Variants in CDK12 observed in about 807,000 individuals in gnomAD.
CDK12 encodes cyclin dependent kinase 12.
Under a neutral mutation model 133.8 loss-of-function variants are expected in CDK12, and 17 were observed. That is an observed-to-expected ratio of 0.13 (90% CI 0.09 to 0.19). The LOEUF (loss-of-function observed/expected upper bound fraction) is 0.19. Among genes scored for constraint, CDK12 ranks in the 10% least tolerant of loss-of-function variants. CDK12 has a pLI of 1.00. For synonymous variants in CDK12, 694 were observed against 683.6 expected (o/e 1.02, Z -0.24); for missense variants, 1,508 against 1,818.7 (o/e 0.83, Z 3.11).
intron 2 of CDK12, among the ~76,000 whole-genome samples, chr17:39,490,311 G>A (rs2051483421): frequency 6.6e-6 from 1 of 151,628 alleles, no homozygotes; most frequent in African/African-American, 2.4e-5. Flanking sequence ...AGGTTGTAGT[G>A]AGCCAAGATC....
intron 12 of CDK12, 106 bp downstream of exon 12, chr17:39,524,991 C>T: frequency 4.6e-6 from 4 of 877,370 alleles, no homozygotes; most frequent in South Asian, 1.7e-5. Context: ...AGTTTTTGGT[C>T]CAGTGAACCA....
At chr17:39,501,641 G>A (rs2052724741) in intron 6 of CDK12, among the ~76,000 whole-genome samples, 1 of 152,160 alleles carries the variant, frequency 6.6e-6, no homozygotes, top group South Asian at 2.1e-4. Flanking sequence ...CCAGCTTTCT[G>A]AGTAAACATT....
At chr17:39,513,351 C>A (rs2053606769) in intron 8 of CDK12, among the ~76,000 whole-genome samples, 2 of 152,136 alleles carry the variant, frequency 1.3e-5, no homozygotes, top group African/African-American at 4.8e-5. Context: ...TTAAGAGGAG[C>A]ACTACAGGGG....
chr17:39,496,912 C>CTT (rs71147349), intron 5 of CDK12, among the ~76,000 whole-genome samples: 43 of 87,810 alleles, frequency 4.9e-4, no homozygotes, highest in Middle Eastern at 8.2e-3. Flanking sequence ...TTCAGTATAT[C>CTT]TTTTTTTTTT....
At chr17:39,478,044 G>A (rs1294085200) in intron 2 of CDK12, among the ~76,000 whole-genome samples, 5 of 147,076 alleles carry the variant, frequency 3.4e-5, no homozygotes, top group African/African-American at 1.3e-4. Flanking sequence ...TTTTTTTTTA[G>A]CCATCTCCTC....
At chr17:39,522,050 C>A (rs2054206748) in intron 11 of CDK12, among the ~76,000 whole-genome samples, 1 of 152,066 alleles carries the variant, frequency 6.6e-6, no homozygotes, top group South Asian at 2.1e-4. Context: ...TCATGCATGT[C>A]TCTGGTGACC....
chr17:39,470,756 G>T (rs1400605105), intron 1 of CDK12, 123 bp from the exon 2 acceptor site: 1 of 819,050 alleles, frequency 1.2e-6, no homozygotes, highest in Non-Finnish European at 1.8e-6. Flanking sequence ...CCTCGTTTTT[G>T]ATGGCACTTA....
chr17:39,526,071 C>A lies in CDK12; in HGVS notation c.3515C>A (p.Thr1172Asn). The A allele has an allele frequency of 6.2e-7, 1 of 1,614,200 alleles. No individual in the cohort carries two copies. Among genetic ancestry groups the A allele is most frequent in the Non-Finnish European group, 8.5e-7 (1 of 1,180,014 alleles). The part of the protein sequence containing the change: ...EATSQQQDSE[T>N]MAPEESLKEA... ...ACTTCCCAGCAGCAGGACTCAGAGA[C>A]CATGGCCCCAGAGGAGTCTTTGAAG... The change falls in exon 13 of 14, where the codon ACC becomes AAC. Residue 1172 changes from threonine to asparagine, a missense_variant. By Grantham distance (65) the Thr-to-Asn change is moderately conservative. This residue lies in a region of CDK12 where 399 missense variants were observed against 469.6 expected (regional missense o/e 0.85). Coordinates refer to ENST00000447079, the MANE Select transcript of CDK12 (RefSeq NM_016507.4).
At chr17:39,496,852 G>A (rs1048273626) in intron 5 of CDK12, among the ~76,000 whole-genome samples, 2 of 144,342 alleles carry the variant, frequency 1.4e-5, no homozygotes, top group Non-Finnish European at 3.0e-5. Flanking sequence ...TTCCTTTTAA[G>A]AAAATTAGTA....
intron 2 of CDK12, among the ~76,000 whole-genome samples, chr17:39,475,084 C>T (rs1289636488): frequency 6.6e-6 from 1 of 151,612 alleles, no homozygotes; most frequent in Non-Finnish European, 1.5e-5. Context: ...ATTCTCCCAC[C>T]TGGGCCTTCC....
At chr17:39,545,585 G>A (rs1230168605), upstream of CDK12, among the ~76,000 whole-genome samples, 2 of 143,890 alleles carry the variant, frequency 1.4e-5, no homozygotes, top group African/African-American at 5.2e-5. Flanking sequence ...TGCAGCCTCT[G>A]CCTCCCAGGT....
Position 39,542,075 on chromosome 17 carries a change from G to C in CDK12, c.451-2174G>C, listed in dbSNP as rs554723744. Among the ~76,000 whole-genome samples the C allele has an allele frequency of 9.2e-5, 14 of 152,298 alleles. No individual in the cohort carries two copies. In the South Asian group the frequency reaches 2.9e-3, roughly 32 times the overall value. ...GAGCTTCTTCAGGAAAGGAAGGATG[G>C]ACTGTGAGATTTGAGGAGGGAGAGA... On this transcript the variant is annotated intron_variant and NMD_transcript_variant, in intron 1 of 4. Transcript: ENST00000559663.
intron 8 of CDK12, among the ~76,000 whole-genome samples, chr17:39,513,459 A>G (rs2053612738): frequency 1.3e-5 from 2 of 152,188 alleles, no homozygotes; most frequent in East Asian, 3.8e-4. Flanking sequence ...TTACTGACTC[A>G]AGCTGGGTGT....
chr17:39,485,441 G>A (rs1387422869), intron 2 of CDK12, among the ~76,000 whole-genome samples: 17 of 120,848 alleles, frequency 1.4e-4, no homozygotes, highest in African/African-American at 5.4e-4. Flanking sequence ...GGGAAACAGA[G>A]TCTCACTCTG....
Position 39,462,596 on chromosome 17 carries a change from G to A in CDK12, c.525G>A (p.Arg175=), listed in dbSNP as rs548797163. 6.2e-7 allele frequency: 1 copy of A among 1,614,104 alleles called. No homozygotes were observed. The highest frequency in any genetic ancestry group is 1.1e-5 in the South Asian group (1 of 91,082). Residue 175 remains arginine (R), a synonymous_variant, in exon 1 of 14, where the codon AGG becomes AGA. Transcript: ENST00000447079. Reference sequence around the variant, plus strand: ...CCAAAAGCAGCAGCAAGGAATCCAGGTCATCCAAGCTCCACAAGGAGAAGA... The same window carrying A: ...CCAAAAGCAGCAGCAAGGAATCCAGATCATCCAAGCTCCACAAGGAGAAGA... ...QVAKSSSKES[R]SSKLHKEKTR...
chr17:39,490,056 T>C (rs1422814484), intron 2 of CDK12, among the ~76,000 whole-genome samples: 1 of 151,970 alleles, frequency 6.6e-6, no homozygotes, highest in Admixed American at 6.6e-5. Context: ...TAAAATATAC[T>C]ATAGATTTCT....
chr17:39,518,591 G>T (rs1474778014), intron 10 of CDK12, among the ~76,000 whole-genome samples: 1 of 151,582 alleles, frequency 6.6e-6, no homozygotes, highest in Non-Finnish European at 1.5e-5. Flanking sequence ...ATATTTTTGT[G>T]TGTGTCACCC....
rs762780789 is a variant in CDK12 at position 39,526,047 on chromosome 17, C to T, written c.3491C>T (p.Thr1164Ile). 1 of 1,614,240 alleles carries T rather than the reference C, an allele frequency of 6.2e-7. No homozygotes were observed. The highest frequency in any genetic ancestry group is 8.5e-7 in the Non-Finnish European group (1 of 1,180,028). The change falls in exon 13 of 14, where the codon ACT becomes ATT. Residue 1164 changes from threonine to isoleucine, a missense_variant. Thr to Ile is a moderately conservative substitution (Grantham distance 89, BLOSUM62 -1). Around this residue, in one of 9 missense-constraint regions of CDK12, gnomAD observed 399 missense variants for 469.6 expected, o/e 0.85. Coordinates refer to ENST00000447079, the MANE Select transcript of CDK12 (RefSeq NM_016507.4). ...NQSISALTEA[T>I]SQQQDSETMA... is the part of the protein sequence containing the mutation. Reference sequence around the variant, plus strand: ...TCCATCAGTGCCCTGACGGAAGCTACTTCCCAGCAGCAGGACTCAGAGACC... The same window carrying T: ...TCCATCAGTGCCCTGACGGAAGCTATTTCCCAGCAGCAGGACTCAGAGACC...
At chr17:39,503,978 C>T (rs1567747855) in intron 6 of CDK12, among the ~76,000 whole-genome samples, 1 of 152,164 alleles carries the variant, frequency 6.6e-6, no homozygotes, top group Non-Finnish European at 1.5e-5. Context: ...GAGAGACCCT[C>T]TAAGAACTTC....
Sources: allele counts gnomAD v4.1 joint callset (sites outside exome capture counted in the v4.1 genomes callset), GRCh38; gene constraint gnomAD v4.1.1; regional missense constraint gnomAD v4.1.1; transcripts MANE v1.5; gene names NCBI Gene and HGNC (gene_info 2026-07-23, HGNC 2026-07-21).